Variants in RELL1 observed in about 807,000 individuals in gnomAD.
RELL1 encodes the protein RELT-like protein 1.
A neutral mutation model predicts 23.0 loss-of-function variants in RELL1; 10 were observed. The observed-to-expected ratio is 0.43, with a 90% CI of 0.27 to 0.74. The LOEUF (loss-of-function observed/expected upper bound fraction) is 0.74, where lower values mean the gene tolerates loss of function less well. Among genes scored for constraint, RELL1 ranks in the 30% least tolerant of loss-of-function variants. The pLI is 0.19. For synonymous variants in RELL1, 146 were observed against 146.8 expected, an observed-to-expected ratio of 0.99 and a Z score of 0.04; for missense variants, 315 against 364.4, an observed-to-expected ratio of 0.86 and a Z score of 1.10.
chr4:37,664,041 C>T (rs1400709059), intron 1 of RELL1, among the ~76,000 whole-genome samples: 1 of 152,070 alleles, frequency 6.6e-6, no homozygotes, highest in Non-Finnish European at 1.5e-5. Flanking sequence ...TTTTTAAAAA[C>T]CTTCATAGCA....
intron 6 of RELL1, among the ~76,000 whole-genome samples, chr4:37,604,822 G>GACACAC (rs1719121130): frequency 8.6e-4 from 34 of 39,490 alleles, no homozygotes; most frequent in Admixed American, 2.5e-3. Context: ...CACACACACA[G>GACACAC]ACACACACAT....
chr4:37,598,078 A>ATATAT lies in RELL1; in HGVS notation c.*4-6862_*4-6861insATATA, dbSNP rs1553870664. Among the ~76,000 whole-genome samples, 1,055 of 126,730 alleles carry ATATAT rather than the reference A, an allele frequency of 8.3e-3. 53 individuals are homozygous for ATATAT. The East Asian group carries it at 0.11, about 13-fold the overall frequency. The allele number at this position is 126,730 out of a possible 152,430, so 83.1% of individuals were successfully genotyped here. A position where few individuals can be genotyped will look rare whatever the true frequency, so the allele number is the denominator to read the frequency against. ...ATGATATGTAATATATATATATCAT[A>ATATAT]ATATATATATATATATAACTCCTCC... On this transcript the variant is annotated intron_variant, in intron 6 of 6. Transcript: ENST00000314117.
chr4:37,628,857 T>G (rs1720035920), intron 6 of RELL1, among the ~76,000 whole-genome samples: 2 of 152,210 alleles, frequency 1.3e-5, no homozygotes, highest in South Asian at 4.1e-4. Context: ...TGAATAACAG[T>G]GTGCTGTGCA....
chr4:37,678,253 T>C (rs1722083447), intron 1 of RELL1, among the ~76,000 whole-genome samples: 1 of 152,202 alleles, frequency 6.6e-6, no homozygotes, highest in African/African-American at 2.4e-5. Context: ...CTCATGATGA[T>C]GCTAAATCAT....
chr4:37,683,738 T>C (rs572986660), intron 1 of RELL1, among the ~76,000 whole-genome samples: 2 of 142,350 alleles, frequency 1.4e-5, no homozygotes, highest in African/African-American at 5.3e-5. Flanking sequence ...AGCCTGGGAG[T>C]CAGAGCAAGA....
At chr4:37,610,326 GTATAAA>G (rs1719335369), downstream of RELL1, among the ~76,000 whole-genome samples, 1 of 152,108 alleles carries the variant, frequency 6.6e-6, no homozygotes, top group African/African-American at 2.4e-5. The surrounding 1 kb of genome is among the most constrained non-coding windows in gnomAD (Gnocchi z 4.1). Flanking sequence ...CTATAGTATA[GTATAAA>G]TATAACTTTT....
intron 3 of RELL1, among the ~76,000 whole-genome samples, chr4:37,644,209 C>A (rs906601298): frequency 6.6e-6 from 1 of 151,946 alleles, no homozygotes; most frequent in Non-Finnish European, 1.5e-5. Flanking sequence ...ACCAAAACAG[C>A]CCTATTCGCC....
At chr4:37,654,281 T>C (rs1721048216) in intron 1 of RELL1, among the ~76,000 whole-genome samples, 1 of 152,236 alleles carries the variant, frequency 6.6e-6, no homozygotes, top group Non-Finnish European at 1.5e-5. Context: ...ACATCTCAAG[T>C]GCCCAGTGGC....
intron 6 of RELL1, chr4:37,622,798 G>GT (rs771576367): frequency 0.011 from 4,473 of 415,946 alleles, 41 homozygotes; most frequent in Middle Eastern, 0.029. Context: ...CTCAAGTAAT[G>GT]CTTTTTTTTT....
chr4:37,627,661 TAA>T (rs1257550802), intron 6 of RELL1, among the ~76,000 whole-genome samples: 2 of 152,182 alleles, frequency 1.3e-5, no homozygotes, highest in Non-Finnish European at 2.9e-5. Context: ...ATTTAGAATA[TAA>T]GTTTAGTTTC....
chr4:37,628,381 C>T lies in RELL1; in HGVS notation c.*3+3004G>A, dbSNP rs115774735. Reference sequence around the variant, plus strand: ...TACTAGCACCTATAGACTGCCGTGGCGAGGATTACAGAAATTAGCTAATAC... The same window carrying T: ...TACTAGCACCTATAGACTGCCGTGGTGAGGATTACAGAAATTAGCTAATAC... On this transcript the variant is annotated intron_variant, in intron 6 of 6. Transcript: ENST00000454158. Among the ~76,000 whole-genome samples, 1,161 of 152,080 alleles carry T rather than the reference C, an allele frequency of 7.6e-3. 14 individuals carry two copies. The highest frequency in any genetic ancestry group is 0.026 in the African/African-American group (1,073 of 41,480).
chr4:37,664,703 C>T (rs1228363496), intron 1 of RELL1, among the ~76,000 whole-genome samples: 2 of 152,096 alleles, frequency 1.3e-5, no homozygotes, highest in African/African-American at 4.8e-5. Context: ...CTTTTCAATG[C>T]ACTTTCACAT....
At chr4:37,591,687 TG>T (rs1354828848) in intron 6 of RELL1, 1 of 152,234 alleles carries the variant, frequency 6.6e-6, no homozygotes, top group Non-Finnish European at 1.5e-5. Flanking sequence ...CCTTTGGGAT[TG>T]GGGAGGCTGG....
chr4:37,624,588 TA>T (rs1321313748), intron 6 of RELL1, among the ~76,000 whole-genome samples: 2 of 151,558 alleles, frequency 1.3e-5, no homozygotes, highest in Admixed American at 1.3e-4. Context: ...CACGCCCGGC[TA>T]ATTTTTTTTT....
intron 6 of RELL1, among the ~76,000 whole-genome samples, chr4:37,604,934 G>GACACACACACACACACAGAC (rs200537025): frequency 8.6e-6 from 1 of 116,428 alleles, no homozygotes; most frequent in African/African-American, 3.6e-5. Context: ...CACACACACA[G>GACACACACACACACACAGAC]ACACACACAT....
At chr4:37,653,832 T>G (rs1437879742) in intron 1 of RELL1, among the ~76,000 whole-genome samples, 1 of 152,192 alleles carries the variant, frequency 6.6e-6, no homozygotes, top group African/African-American at 2.4e-5. Context: ...AAGCCTAAGC[T>G]TCCCTGTGGA....
At chr4:37,641,491 T>C (rs1452224309) in intron 3 of RELL1, among the ~76,000 whole-genome samples, 1 of 152,210 alleles carries the variant, frequency 6.6e-6, no homozygotes, top group Non-Finnish European at 1.5e-5. Flanking sequence ...CCTCCTTGCA[T>C]ATTACTCACA....
intron 1 of RELL1, among the ~76,000 whole-genome samples, chr4:37,670,180 G>A (rs1004271518): frequency 1.3e-5 from 2 of 149,696 alleles, no homozygotes; most frequent in African/African-American, 4.9e-5. Context: ...ACTTTTTGCA[G>A]TTTCTAAAAT....
chr4:37,647,775 A>T (rs534328525), intron 2 of RELL1, among the ~76,000 whole-genome samples: 1 of 152,362 alleles, frequency 6.6e-6, no homozygotes, highest in Non-Finnish European at 1.5e-5. Flanking sequence ...AAAGCTCATT[A>T]AAAAAGAAAA....
Sources: gnomAD v4.1 joint callset for allele counts (sites outside exome capture counted in the v4.1 genomes callset) on GRCh38, gnomAD v4.1.1 for gene constraint, Gnocchi (gnomAD v3.1) non-coding constraint, MANE v1.5 for transcripts, NCBI Gene and HGNC (gene_info 2026-07-23, HGNC 2026-07-21) for gene names.